MALRD1: variants seen among roughly 807,000 people sequenced by gnomAD.
MALRD1 encodes MAM and LDL-receptor class A domain-containing protein 1.
Under a neutral mutation model 242.1 loss-of-function variants are expected in MALRD1, and 247 were observed. That is an observed-to-expected ratio of 1.02 (90% CI 0.92 to 1.13). The LOEUF is 1.13. Ranked by LOEUF, MALRD1 falls within the 50% of genes most tolerant of loss-of-function variation. The pLI is 0.00. For synonymous variants in MALRD1, 995 were observed against 866.6 expected (o/e 1.15, Z -2.60); for missense variants, 2,989 against 2,533.1 (o/e 1.18, Z -3.86).
chr10:19,180,033 T>C (rs953144307), intron 14 of MALRD1, among the ~76,000 whole-genome samples: 1 of 152,198 alleles, frequency 6.6e-6, no homozygotes, highest in Admixed American at 6.5e-5. Context: ...TCCAAAAGTA[T>C]TTTAATAACT....
intron 36 of MALRD1, among the ~76,000 whole-genome samples, chr10:19,688,744 T>C (rs762759516): frequency 1.7e-4 from 26 of 152,228 alleles, no homozygotes; most frequent in Non-Finnish European, 3.4e-4. Context: ...CACACCGTTC[T>C]AGCATGTGAT....
At chr10:19,345,196 G>C (rs1403201720) in intron 24 of MALRD1, among the ~76,000 whole-genome samples, 5 of 151,188 alleles carry the variant, frequency 3.3e-5, no homozygotes, top group South Asian at 4.2e-4. Context: ...TCAAAACAAG[G>C]GAAAAGATCA....
intron 21 of MALRD1, among the ~76,000 whole-genome samples, chr10:19,312,400 A>ATATATATATATATATATATATATG (rs1491220851): frequency 8.4e-5 from 12 of 143,628 alleles, no homozygotes; most frequent in African/African-American, 3.1e-4. Context: ...ATATATATAT[A>ATATATATATATATATATATATATG]TGTGTATATG....
intron 18 of MALRD1, among the ~76,000 whole-genome samples, chr10:19,222,528 G>A (rs916780031): frequency 1.2e-4 from 18 of 152,110 alleles, no homozygotes; most frequent in Non-Finnish European, 2.5e-4. Context: ...TAGATCATAA[G>A]GGATGAATTA....
chr10:19,298,141 A>T (rs1252695219), intron 21 of MALRD1, among the ~76,000 whole-genome samples: 1 of 151,954 alleles, frequency 6.6e-6, no homozygotes, highest in Admixed American at 6.6e-5. Flanking sequence ...TTTGTGCTAC[A>T]TCAAAACATA....
intron 31 of MALRD1, among the ~76,000 whole-genome samples, chr10:19,504,811 T>C (rs1211803690): frequency 6.7e-6 from 1 of 150,198 alleles, no homozygotes; most frequent in East Asian, 2.0e-4. Context: ...GCCTCCCGAG[T>C]AGCTGGGACT....
chr10:19,360,142 T>C (rs932376395), intron 26 of MALRD1, among the ~76,000 whole-genome samples: 1 of 152,142 alleles, frequency 6.6e-6, no homozygotes, highest in African/African-American at 2.4e-5. Context: ...GCAGGACATC[T>C]GACTTTCAGG....
chr10:19,719,205 T>C lies in MALRD1; in HGVS notation c.6315-11501T>C, dbSNP rs370951536. ...ATATATATATACATACATATATATA[T>C]ATATATACACATACATACATATATA... On this transcript the variant is annotated intron_variant, in intron 38 of 39. Transcript: ENST00000454679. Among the ~76,000 whole-genome samples the C allele has an allele frequency of 3.7e-4, 36 of 96,278 alleles. 3 individuals carry two copies. The East Asian group carries it at 6.5e-3, about 17-fold the overall frequency. The allele number at this position is 96,278 out of a possible 152,430, so 63.2% of individuals were successfully genotyped here. A position where few individuals can be genotyped will look rare whatever the true frequency, so the allele number is the denominator to read the frequency against.
intron 5 of MALRD1, among the ~76,000 whole-genome samples, 192 bp downstream of exon 5, chr10:19,104,267 T>G (rs536468657): frequency 6.6e-6 from 1 of 152,200 alleles, no homozygotes; most frequent in African/African-American, 2.4e-5. Flanking sequence ...TTTCACTGAC[T>G]GATGCTGTAA....
At chr10:19,270,832 ACACACACACACG>A (rs1295334898) in intron 19 of MALRD1, among the ~76,000 whole-genome samples, 26 of 151,556 alleles carry the variant, frequency 1.7e-4, no homozygotes, top group African/African-American at 6.3e-4. Context: ...ACACACACAC[ACACACACACACG>A]CACACACAAA....
At chr10:19,178,581 A>T (rs1390927878) in intron 14 of MALRD1, among the ~76,000 whole-genome samples, 1 of 152,210 alleles carries the variant, frequency 6.6e-6, no homozygotes, top group Non-Finnish European at 1.5e-5. Context: ...AGTCCGCGTG[A>T]TGAAAATCGC....
intron 18 of MALRD1, among the ~76,000 whole-genome samples, chr10:19,227,093 A>G (rs1837832016): frequency 6.6e-6 from 1 of 152,020 alleles, no homozygotes; most frequent in Admixed American, 6.6e-5. Flanking sequence ...TGATCTCCAG[A>G]TTTGGCACAA....
intron 22 of MALRD1, among the ~76,000 whole-genome samples, chr10:19,327,225 A>G (rs1302435529): frequency 1.3e-5 from 2 of 152,084 alleles, no homozygotes; most frequent in African/African-American, 2.4e-5. Context: ...ATTTGACCAC[A>G]TGAATATTAT....
In MALRD1 at chr10:19,108,387, C is replaced by CTTTTT. The variant is rs35948766; in HGVS notation, c.694+4346_694+4350dup. Among the ~76,000 whole-genome samples, 15 of 19,764 alleles carry CTTTTT rather than the reference C, an allele frequency of 7.6e-4. 7 individuals carry two copies. The highest frequency in any genetic ancestry group is 1.4e-3 in the East Asian group (1 of 726). The allele number at this position is 19,764 out of a possible 152,430, so 13.0% of individuals were successfully genotyped here. The stretch of plus-strand genomic sequence containing the variant: ...TTATTGAGCTCATGAATTGTTTTTT[C>CTTTTT]TTTTTTTTTTTTTTTTTTTTTTTTT... On this transcript the variant is annotated intron_variant, in intron 5 of 39. Transcript: ENST00000454679.
At chr10:19,386,280 C>T (rs910525553) in intron 26 of MALRD1, among the ~76,000 whole-genome samples, 5 of 152,100 alleles carry the variant, frequency 3.3e-5, no homozygotes, top group Admixed American at 2.0e-4. Context: ...TCATCCCCTA[C>T]CTCTGACCCA....
chr10:19,662,930 T>A (rs1178303837), intron 36 of MALRD1, among the ~76,000 whole-genome samples: 2 of 152,164 alleles, frequency 1.3e-5, no homozygotes, highest in African/African-American at 4.8e-5. Flanking sequence ...AATCATAGAA[T>A]GTTGACCCTC....
intron 38 of MALRD1, among the ~76,000 whole-genome samples, chr10:19,701,264 G>T (rs1048971103): frequency 6.6e-6 from 1 of 152,036 alleles, no homozygotes; most frequent in Non-Finnish European, 1.5e-5. Context: ...CCTACTCAAG[G>T]TCTTCAGATC....
intron 36 of MALRD1, among the ~76,000 whole-genome samples, chr10:19,669,386 G>A (rs1221827816): frequency 6.6e-6 from 1 of 152,176 alleles, no homozygotes; most frequent in East Asian, 1.9e-4. Context: ...GGAAACTGAG[G>A]AAGAGGAAGA....
chr10:19,238,513 G>GTATATTA (rs1838569063), intron 18 of MALRD1, among the ~76,000 whole-genome samples: 3 of 33,018 alleles, frequency 9.1e-5, no homozygotes, highest in Admixed American at 8.9e-4. Flanking sequence ...AATATATAAT[G>GTATATTA]TATATTATAT....
Sources: allele counts gnomAD v4.1 joint callset (sites outside exome capture counted in the v4.1 genomes callset), GRCh38; gene constraint gnomAD v4.1.1; transcripts MANE v1.5; gene names NCBI Gene and HGNC (gene_info 2026-07-23, HGNC 2026-07-21).